Variants in YME1L1 observed in about 807,000 individuals in gnomAD.
YME1L1 encodes ATP-dependent zinc metalloprotease YME1L1.
A neutral mutation model predicts 90.4 loss-of-function variants in YME1L1; 39 were observed. The ratio of observed to expected loss-of-function variants is 0.43; its 90% CI spans 0.33 to 0.56. The LOEUF (loss-of-function observed/expected upper bound fraction) is 0.56. Among genes scored for constraint, YME1L1 ranks in the 20% least tolerant of loss-of-function variants. YME1L1 has a pLI of 0.03. For synonymous variants in YME1L1, 284 were observed against 287.3 expected, an observed-to-expected ratio of 0.99 and a Z score of 0.12; for missense variants, 617 against 868.4, an observed-to-expected ratio of 0.71 and a Z score of 3.64.
intron 2 of YME1L1, chr10:27,147,786 C>A: frequency 7.1e-7 from 1 of 1,408,356 alleles, no homozygotes; most frequent in Non-Finnish European, 9.6e-7. Flanking sequence ...TTTCACCAAA[C>A]CCTGGCTCCT....
intron 2 of YME1L1, chr10:27,147,274 G>T: frequency 1.4e-6 from 1 of 710,482 alleles, no homozygotes; most frequent in Non-Finnish European, 2.3e-6. Context: ...TGGGAGGACT[G>T]CTTCAGGCCA....
chr10:27,131,856 T>C lies in YME1L1; in HGVS notation c.858+3A>G, dbSNP rs1433001596. ...AGAAGGCAAGGCAATCTTCTTAACT[T>C]ACCCCTTTAACATGTTCAAAGGTGA... On this transcript the variant is annotated splice_donor_region_variant and intron_variant, in intron 8 of 18. Transcript: ENST00000376016. 3 of 1,606,498 alleles carry C rather than the reference T, an allele frequency of 1.9e-6. No homozygotes were observed. The highest frequency in any genetic ancestry group is 2.2e-5 in the East Asian group (1 of 44,834).
chr10:27,125,641 A>ATTTTTTTTTTT (rs199852948), intron 9 of YME1L1, among the ~76,000 whole-genome samples: 1 of 134,190 alleles, frequency 7.5e-6, no homozygotes, highest in African/African-American at 2.8e-5. Flanking sequence ...TAAATGTCCT[A>ATTTTTTTTTTT]TTTTTTTTTT....
In YME1L1 at chr10:27,145,546, A is replaced by T; in HGVS notation, c.213T>A (p.Ile71=). The T allele has an allele frequency of 6.2e-7, 1 of 1,613,622 alleles. No homozygotes were observed. The highest frequency in any genetic ancestry group is 1.1e-5 in the South Asian group (1 of 91,052). The part of the protein sequence containing the change: ...LRDLGLSELK[I]GQIDQLVENL... ...TTTCTACCAGCTGATCAATCTGTCC[A>T]ATTTTTAGTTCAGATAATCCAAGGT... The change falls in exon 3 of 19, where the codon ATT becomes ATA. Residue 71 remains isoleucine, a synonymous_variant. Coordinates refer to ENST00000376016, the MANE Select transcript of YME1L1 (RefSeq NM_014263.4).
chr10:27,147,349 A>C, intron 2 of YME1L1: 2 of 1,433,200 alleles, frequency 1.4e-6, no homozygotes, highest in East Asian at 2.3e-5. Flanking sequence ...TAAAAATGAT[A>C]AAACAAACAA....
chr10:27,116,013 CTT>C (rs2135840829), intron 17 of YME1L1, 45 bp downstream of exon 17: 1 of 1,524,762 alleles, frequency 6.6e-7, no homozygotes, highest in African/African-American at 1.4e-5. Context: ...CAAATCAACA[CTT>C]GACACATAAT....
chr10:27,121,073 G>T (rs565159046), intron 12 of YME1L1, among the ~76,000 whole-genome samples: 9 of 152,252 alleles, frequency 5.9e-5, no homozygotes, highest in African/African-American at 1.9e-4. Flanking sequence ...TTATTGAGAT[G>T]TAATTCACAT....
At chr10:27,140,960 C>T (rs2057081168) in intron 4 of YME1L1, among the ~76,000 whole-genome samples, 1 of 152,172 alleles carries the variant, frequency 6.6e-6, no homozygotes, top group Admixed American at 6.5e-5. Flanking sequence ...AACGTATCAG[C>T]TGTCTTCTTC....
At position 27,111,191 on chromosome 10, in the gene YME1L1, G is replaced by C. The variant is rs980051104; in HGVS notation, c.*786C>G. 6.6e-6 allele frequency: 1 copy of C among 152,410 alleles called. No homozygotes were observed. Among genetic ancestry groups the C allele is most frequent in the East Asian group, 1.9e-4 (1 of 5,198 alleles). 9.4% of individuals were successfully genotyped at this position (152,410 alleles called of 1,614,324 possible). On this transcript the variant is annotated 3_prime_UTR_variant, in exon 19 of 19. Coordinates refer to ENST00000376016, the MANE Select transcript of YME1L1 (RefSeq NM_014263.4). ...CTGCCTTGGCCCCCAGAGTAGCTGGGATTATAAGCACCTGCCACCATGCCC... is the reference window on the plus strand; with the variant it reads ...CTGCCTTGGCCCCCAGAGTAGCTGGCATTATAAGCACCTGCCACCATGCCC...
chr10:27,129,722 A>T (rs1419635181), intron 8 of YME1L1, among the ~76,000 whole-genome samples: 1 of 118,360 alleles, frequency 8.4e-6, no homozygotes, highest in East Asian at 4.1e-4. Context: ...ATAAAATAAA[A>T]AAAAAAAATC....
At chr10:27,119,842 A>G (rs965538757) in intron 13 of YME1L1, among the ~76,000 whole-genome samples, 9 of 151,942 alleles carry the variant, frequency 5.9e-5, no homozygotes, top group African/African-American at 2.2e-4. Context: ...AACACCTCAC[A>G]TTCCAAGGGA....
intron 15 of YME1L1, among the ~76,000 whole-genome samples, chr10:27,116,735 A>C (rs940385256): frequency 6.6e-6 from 1 of 152,052 alleles, no homozygotes; most frequent in Non-Finnish European, 1.5e-5. Context: ...AATGAAAGAA[A>C]TTCAGATACA....
At chr10:27,134,534 C>G (rs1382200437) in intron 6 of YME1L1, among the ~76,000 whole-genome samples, 1 of 152,184 alleles carries the variant, frequency 6.6e-6, no homozygotes, top group African/African-American at 2.4e-5. Context: ...ATGATTGCAC[C>G]ACTGCACTCT....
intron 4 of YME1L1, among the ~76,000 whole-genome samples, chr10:27,139,924 T>C (rs1030846445): frequency 6.6e-6 from 1 of 152,224 alleles, no homozygotes; most frequent in African/African-American, 2.4e-5. Context: ...TTTCCACCTA[T>C]TATTTTAAAA....
intron 8 of YME1L1, chr10:27,129,426 A>G (rs1472945190): frequency 6.6e-6 from 1 of 152,246 alleles, no homozygotes; most frequent in Non-Finnish European, 1.5e-5. Context: ...CTTATTCCCC[A>G]ATAGTCAAGG....
intron 14 of YME1L1, among the ~76,000 whole-genome samples, chr10:27,118,818 G>A (rs984837019): frequency 7.9e-5 from 12 of 151,978 alleles, no homozygotes; most frequent in Non-Finnish European, 1.6e-4. Flanking sequence ...ATCCTTTTTC[G>A]CAGCAATGTC....
At chr10:27,152,190 A>T (rs973045871) in intron 1 of YME1L1, among the ~76,000 whole-genome samples, 1 of 152,198 alleles carries the variant, frequency 6.6e-6, no homozygotes, top group Non-Finnish European at 1.5e-5. Flanking sequence ...TCATTTCAAG[A>T]TACATATTTT....
chr10:27,114,749 C>T (rs975111796), intron 17 of YME1L1, 142 bp from the exon 18 acceptor site: 2 of 573,514 alleles, frequency 3.5e-6, no homozygotes, highest in Admixed American at 3.7e-5. Flanking sequence ...CATTTGAGGC[C>T]GGGCACAGTG....
At chr10:27,151,595 T>C (rs1165641796) in intron 1 of YME1L1, among the ~76,000 whole-genome samples, 2 of 152,186 alleles carry the variant, frequency 1.3e-5, no homozygotes, top group Non-Finnish European at 2.9e-5. Context: ...TAAGTATGCA[T>C]ACCCGTGGGG....
Sources: gnomAD v4.1 joint callset for allele counts (sites outside exome capture counted in the v4.1 genomes callset) on GRCh38, gnomAD v4.1.1 for gene constraint, MANE v1.5 for transcripts, NCBI Gene and HGNC (gene_info 2026-07-23, HGNC 2026-07-21) for gene names.